The following ESRRG variants were observed in gnomAD, a reference collection of about 807,000 sequenced individuals.
The protein encoded by ESRRG is estrogen related receptor gamma, also known as estrogen-related receptor gamma.
Under a neutral mutation model 44.0 loss-of-function variants are expected in ESRRG, and 13 were observed. That is an observed-to-expected ratio of 0.30 (90% CI 0.19 to 0.47). The LOEUF (loss-of-function observed/expected upper bound fraction) is 0.47. Ranked by LOEUF, ESRRG falls within the 20% of genes least tolerant of loss-of-function variation. The pLI, the probability that ESRRG is intolerant of heterozygous loss-of-function variation, is 1.00. For synonymous variants in ESRRG, 215 were observed against 214.6 expected, an observed-to-expected ratio of 1.00 and a Z score of -0.02; for missense variants, 395 against 580.6, an observed-to-expected ratio of 0.68 and a Z score of 3.29.
intron 3 of ESRRG, among the ~76,000 whole-genome samples, chr1:216,601,138 A>T (rs772755256): frequency 2.0e-5 from 3 of 152,034 alleles, no homozygotes; most frequent in Non-Finnish European, 2.9e-5. Context: ...GCTCCTGCCC[A>T]CTGCCACCCG....
intron 5 of ESRRG, among the ~76,000 whole-genome samples, chr1:216,535,412 G>C (rs1221218361): frequency 1.3e-5 from 2 of 152,088 alleles, no homozygotes; most frequent in African/African-American, 2.4e-5. Context: ...TGAATGGACA[G>C]TCTTCCTGCC....
rs1553720877 is a variant in ESRRG at position 216,939,364 on chromosome 1, A to AAAAAAAAAAAAAAAC, written c.-14+217_-14+218insGTTTTTTTTTTTTTT. ...TAGACAAAAAAAAAAAAAAAAAAAA[A>AAAAAAAAAAAAAAAC]AAAAAACACTTTAAAGGCATTTAAA... is the stretch of plus-strand genomic sequence containing the variant. On this transcript the variant is annotated intron_variant, in intron 2 of 7. Coordinates refer to the ESRRG transcript ENST00000359162. 7.8e-4 allele frequency among the ~76,000 whole-genome samples: 104 copies of AAAAAAAAAAAAAAAC among 133,778 alleles called. 1 individual carries two copies. Among genetic ancestry groups the AAAAAAAAAAAAAAAC allele is most frequent in the African/African-American group, 2.6e-3 (85 of 32,086 alleles). The allele number at this position is 133,778 out of a possible 152,430, so 87.8% of individuals were successfully genotyped here. A position where few individuals can be genotyped will look rare whatever the true frequency, so the allele number is the denominator to read the frequency against.
chr1:217,062,029 A>C (rs1449161657), intron 1 of ESRRG, among the ~76,000 whole-genome samples: 1 of 152,184 alleles, frequency 6.6e-6, no homozygotes, highest in Non-Finnish European at 1.5e-5. Context: ...TTAATGAATT[A>C]GTTTGAGTGA....
At chr1:217,050,852 G>A (rs773743341) in intron 1 of ESRRG, among the ~76,000 whole-genome samples, 11 of 152,028 alleles carry the variant, frequency 7.2e-5, no homozygotes, top group Non-Finnish European at 1.6e-4. Flanking sequence ...ATGTCAGTAC[G>A]GGCTATTAGA....
chr1:216,747,863 T>A (rs1223900744), intron 2 of ESRRG, among the ~76,000 whole-genome samples: 1 of 152,204 alleles, frequency 6.6e-6, no homozygotes, highest in Admixed American at 6.5e-5. Context: ...ATATAATTAA[T>A]AAAATCCAGT....
At chr1:217,001,180 C>A (rs1161062491) in intron 1 of ESRRG, among the ~76,000 whole-genome samples, 1 of 152,174 alleles carries the variant, frequency 6.6e-6, no homozygotes, top group African/African-American at 2.4e-5. Flanking sequence ...CTATAATACA[C>A]CTTAGTGGAA....
In ESRRG at chr1:216,737,221, A is replaced by G. The variant is rs551572544; in HGVS notation, c.-13-59730T>C. ...CATCTGCTTCAAAGTTTGAAGCAAA[A>G]GCCTTAAAATTGGTGGAGACAGATA... On this transcript the variant is annotated intron_variant, in intron 2 of 7. Coordinates refer to the ESRRG transcript ENST00000359162. Among the ~76,000 whole-genome samples, 18 of 152,290 alleles carry G rather than the reference A, an allele frequency of 1.2e-4. 1 individual carries two copies. The highest frequency in any genetic ancestry group is 7.2e-4 in the Admixed American group (11 of 15,292).
chr1:216,932,218 A>G (rs1289898096), intron 2 of ESRRG, among the ~76,000 whole-genome samples: 1 of 152,168 alleles, frequency 6.6e-6, no homozygotes, highest in Non-Finnish European at 1.5e-5. Context: ...GGTGAAAAAA[A>G]GGTAAAAATA....
chr1:217,104,127 C>A (rs1247747845), intron 1 of ESRRG, among the ~76,000 whole-genome samples: 1 of 152,202 alleles, frequency 6.6e-6, no homozygotes, highest in African/African-American at 2.4e-5. Context: ...CCTTGTTAAG[C>A]TTCACAGATT....
At chr1:216,608,218 G>A (rs1201396264) in intron 3 of ESRRG, among the ~76,000 whole-genome samples, 1 of 152,128 alleles carries the variant, frequency 6.6e-6, no homozygotes, top group Non-Finnish European at 1.5e-5. Context: ...ATAAAGCCAT[G>A]TTTGCATCTT....
intron 1 of ESRRG, among the ~76,000 whole-genome samples, chr1:216,685,126 T>G (rs889704015): frequency 6.6e-6 from 1 of 152,158 alleles, no homozygotes; most frequent in East Asian, 1.9e-4. Flanking sequence ...TGTGCTATAG[T>G]CAACCATTTG....
At chr1:216,788,723 T>C (rs1038715839) in intron 2 of ESRRG, among the ~76,000 whole-genome samples, 3 of 152,108 alleles carry the variant, frequency 2.0e-5, no homozygotes, top group Non-Finnish European at 4.4e-5. Flanking sequence ...ATGACCAAAG[T>C]CCATAAAATG....
chr1:216,656,945 G>T (rs2070760656), intron 2 of ESRRG, among the ~76,000 whole-genome samples: 1 of 152,070 alleles, frequency 6.6e-6, no homozygotes, highest in African/African-American at 2.4e-5. Flanking sequence ...AATGGGATTT[G>T]CCTCAGTACA....
intron 1 of ESRRG, among the ~76,000 whole-genome samples, chr1:217,080,709 G>T (rs1217933389): frequency 8.7e-6 from 1 of 114,492 alleles, no homozygotes; most frequent in African/African-American, 3.5e-5. Flanking sequence ...ACAGAGTCTC[G>T]CTCTGTTGCC....
At chr1:216,983,544 C>G (rs75732598) in intron 1 of ESRRG, among the ~76,000 whole-genome samples, 3,595 of 152,150 alleles carry the variant, frequency 0.024, 114 homozygotes, top group African/African-American at 0.071. Flanking sequence ...GAGGGAGTTC[C>G]ATGACACATC....
chr1:216,508,366 C>G (rs2041780272), intron 6 of ESRRG, among the ~76,000 whole-genome samples: 1 of 151,932 alleles, frequency 6.6e-6, no homozygotes, highest in South Asian at 2.1e-4. Flanking sequence ...GGTGAACTGA[C>G]CACTATTTAC....
chr1:216,898,492 C>A (rs1165050139), intron 2 of ESRRG, among the ~76,000 whole-genome samples: 1 of 152,076 alleles, frequency 6.6e-6, no homozygotes, highest in Non-Finnish European at 1.5e-5. Context: ...GTGGTGGGTG[C>A]CTGTAATCCC....
chr1:216,734,936 T>A (rs2089594095), intron 2 of ESRRG, among the ~76,000 whole-genome samples: 1 of 127,892 alleles, frequency 7.8e-6, no homozygotes, highest in African/African-American at 2.9e-5. Flanking sequence ...TGAGACGGAG[T>A]CTTCCTCTGT....
intron 1 of ESRRG, among the ~76,000 whole-genome samples, chr1:216,679,034 A>G (rs1261842359): frequency 1.3e-5 from 2 of 152,234 alleles, no homozygotes; most frequent in Non-Finnish European, 2.9e-5. Flanking sequence ...GCGTTGAGGC[A>G]AGATTTGCCT....
Sources: gnomAD v4.1 joint callset for allele counts (sites outside exome capture counted in the v4.1 genomes callset) on GRCh38, gnomAD v4.1.1 for gene constraint, MANE v1.5 for transcripts, NCBI Gene and HGNC (gene_info 2026-07-23, HGNC 2026-07-21) for gene names.